The following FAF1 variants were observed in gnomAD, a reference collection of about 807,000 sequenced individuals.
FAF1 encodes Fas associated factor 1, also known as FAS-associated factor 1.
Under a neutral mutation model 92.5 loss-of-function variants are expected in FAF1, and 25 were observed. The ratio of observed to expected loss-of-function variants is 0.27; its 90% confidence interval spans 0.20 to 0.38. The LOEUF is 0.38. Ranked by LOEUF, FAF1 falls within the 10% of genes least tolerant of loss-of-function variation. The pLI is 1.00. For synonymous variants in FAF1, 234 were observed against 273.2 expected, an observed-to-expected ratio of 0.86 and a Z score of 1.42; for missense variants, 636 against 793.3, an observed-to-expected ratio of 0.80 and a Z score of 2.38.
chr1:50,692,074 G>T (rs1656954021), intron 7 of FAF1, among the ~76,000 whole-genome samples: 1 of 151,976 alleles, frequency 6.6e-6, no homozygotes. Context: ...AAATTAGCTG[G>T]GCATTGTGGC....
At chr1:50,447,883 T>G (rs187082198) in intron 18 of FAF1, among the ~76,000 whole-genome samples, 1 of 152,240 alleles carries the variant, frequency 6.6e-6, no homozygotes, top group African/African-American at 2.4e-5. Context: ...CTGTACATTA[T>G]CTAATGTTAT....
intron 8 of FAF1, among the ~76,000 whole-genome samples, chr1:50,637,397 G>C (rs900565622): frequency 1.3e-5 from 2 of 151,048 alleles, no homozygotes; most frequent in African/African-American, 4.9e-5. Context: ...AAGTTGCAGT[G>C]AGCCAAGATC....
intron 12 of FAF1, among the ~76,000 whole-genome samples, chr1:50,578,096 C>T (rs1650834810): frequency 6.6e-6 from 1 of 152,166 alleles, no homozygotes; most frequent in Non-Finnish European, 1.5e-5. Context: ...TTTGTAATCC[C>T]ACCACTCCAA....
At chr1:50,726,231 G>A (rs1472376587) in intron 6 of FAF1, among the ~76,000 whole-genome samples, 2 of 151,954 alleles carry the variant, frequency 1.3e-5, no homozygotes, top group Admixed American at 6.6e-5. Context: ...ACTCTAGCCT[G>A]GGTGACAGAG....
intron 8 of FAF1, among the ~76,000 whole-genome samples, chr1:50,601,122 T>G (rs1652106060): frequency 8.5e-6 from 1 of 117,218 alleles, no homozygotes; most frequent in Non-Finnish European, 1.8e-5. Context: ...AAAAAGCTCT[T>G]TCAAAATCTT....
chr1:50,916,183 C>G (rs1644917578), intron 1 of FAF1, among the ~76,000 whole-genome samples: 1 of 152,166 alleles, frequency 6.6e-6, no homozygotes, highest in Non-Finnish European at 1.5e-5. Context: ...GGGTAGAATG[C>G]AGGACAGGCA....
At chr1:50,799,236 A>G (rs1184423790) in intron 3 of FAF1, among the ~76,000 whole-genome samples, 1 of 152,234 alleles carries the variant, frequency 6.6e-6, no homozygotes, top group Non-Finnish European at 1.5e-5. Context: ...ACCTGCTTCT[A>G]TGCTTGTGAA....
chr1:50,805,814 T>C (rs571257065), intron 2 of FAF1, among the ~76,000 whole-genome samples: 1 of 152,236 alleles, frequency 6.6e-6, no homozygotes, highest in South Asian at 2.1e-4. Flanking sequence ...AAATAACTTA[T>C]GAGTAAAGGA....
intron 4 of FAF1, among the ~76,000 whole-genome samples, chr1:50,755,549 G>A (rs1392234070): frequency 1.3e-5 from 2 of 152,174 alleles, no homozygotes; most frequent in African/African-American, 2.4e-5. Flanking sequence ...CCATTCTGGG[G>A]TCTGGAGAAC....
chr1:50,922,818 C>CAAAAAAAAAA (rs754253837), intron 1 of FAF1, among the ~76,000 whole-genome samples: 1 of 56,886 alleles, frequency 1.8e-5, no homozygotes, highest in African/African-American at 6.0e-5. Flanking sequence ...GAATCCACCA[C>CAAAAAAAAAA]AAAAAAAAAA....
chr1:50,801,724 C>T, intron 2 of FAF1, 47 bp from the exon 3 acceptor site: 1 of 1,112,774 alleles, frequency 9.0e-7, no homozygotes, highest in Non-Finnish European at 1.4e-6. Flanking sequence ...CAGATAAATG[C>T]CCAAGTGTGG....
intron 7 of FAF1, among the ~76,000 whole-genome samples, chr1:50,664,583 GA>G (rs1201428128): frequency 6.6e-6 from 1 of 151,986 alleles, no homozygotes; most frequent in African/African-American, 2.4e-5. Context: ...GAGGTCAGCA[GA>G]TCGAGACCAT....
intron 7 of FAF1, among the ~76,000 whole-genome samples, chr1:50,656,251 G>C (rs184403188): frequency 6.6e-6 from 1 of 151,536 alleles, no homozygotes; most frequent in Admixed American, 6.6e-5. Flanking sequence ...AGAATCGTTT[G>C]CATCCGGGAA....
chr1:50,948,534 CTTTTT>C (rs1167611825), intron 1 of FAF1, among the ~76,000 whole-genome samples: 1 of 139,062 alleles, frequency 7.2e-6, no homozygotes. Context: ...TTTTCTTTTT[CTTTTT>C]TTTTTTTTTT....
At chr1:50,456,492 C>A (rs1646354083) in intron 18 of FAF1, among the ~76,000 whole-genome samples, 1 of 152,096 alleles carries the variant, frequency 6.6e-6, no homozygotes, top group African/African-American at 2.4e-5. Context: ...TATAATGTGG[C>A]CTCTCACTTG....
intron 9 of FAF1, 117 bp from the exon 10 acceptor site, chr1:50,584,928 C>A (rs1651154127): frequency 1.1e-6 from 1 of 918,142 alleles, no homozygotes; most frequent in Non-Finnish European, 1.6e-6. Context: ...CAAATAAACT[C>A]ATTTGCTAGA....
chr1:50,546,243 ATTTC>A (rs1425548714), intron 13 of FAF1, among the ~76,000 whole-genome samples: 1 of 152,228 alleles, frequency 6.6e-6, no homozygotes, highest in Non-Finnish European at 1.5e-5. Context: ...CATTAAATAG[ATTTC>A]TTTATTAACT....
chr1:50,936,900 T>C (rs1399938831), intron 1 of FAF1, among the ~76,000 whole-genome samples: 1 of 151,968 alleles, frequency 6.6e-6, no homozygotes, highest in East Asian at 1.9e-4. Context: ...ACTTGGCAAA[T>C]TTTTAAACCT....
intron 8 of FAF1, among the ~76,000 whole-genome samples, chr1:50,597,887 T>C (rs955151458): frequency 6.6e-6 from 1 of 152,208 alleles, no homozygotes; most frequent in African/African-American, 2.4e-5. Flanking sequence ...AAAGGAACTT[T>C]TTCTATTTAG....
Sources: gnomAD v4.1 joint callset for allele counts (sites outside exome capture counted in the v4.1 genomes callset) on GRCh38, gnomAD v4.1.1 for gene constraint, MANE v1.5 for transcripts, NCBI Gene and HGNC (gene_info 2026-07-23, HGNC 2026-07-21) for gene names.